Variants in ALCAM observed in about 807,000 individuals in gnomAD.
The protein encoded by ALCAM is CD166 antigen.
A neutral mutation model predicts 70.9 loss-of-function variants in ALCAM; 30 were observed. That is an observed-to-expected ratio of 0.42 (90% CI 0.32 to 0.57). ALCAM has a LOEUF of 0.57. Ranked by LOEUF, ALCAM falls within the 20% of genes least tolerant of loss-of-function variation. The pLI is 0.11. For missense variants in ALCAM, 591 were observed against 695.1 expected, an observed-to-expected ratio of 0.85 and a Z score of 1.68; for synonymous variants, 249 against 242.5, an observed-to-expected ratio of 1.03 and a Z score of -0.25.
At chr3:105,443,746 T>C (rs1252487900) in intron 1 of ALCAM, among the ~76,000 whole-genome samples, 6 of 152,212 alleles carry the variant, frequency 3.9e-5, no homozygotes, top group African/African-American at 1.4e-4. Flanking sequence ...CTTGCTGACA[T>C]GAATAATTTT....
intron 14 of ALCAM, among the ~76,000 whole-genome samples, chr3:105,562,859 G>T (rs187281882): frequency 6.6e-6 from 1 of 152,062 alleles, no homozygotes; most frequent in Admixed American, 6.5e-5. Flanking sequence ...AGGCTGGAGC[G>T]CAATGTCACG....
chr3:105,571,795 T>C, intron 14 of ALCAM, 57 bp from the exon 15 acceptor site: 1 of 1,270,582 alleles, frequency 7.9e-7, no homozygotes, highest in South Asian at 1.5e-5. Flanking sequence ...TAAAATTAAA[T>C]ATAAAAGTTG....
At chr3:105,375,500 G>C (rs535879044) in intron 1 of ALCAM, among the ~76,000 whole-genome samples, 1 of 152,130 alleles carries the variant, frequency 6.6e-6, no homozygotes. Flanking sequence ...AAAGATGTGA[G>C]GTTGTAGCCT....
intron 14 of ALCAM, among the ~76,000 whole-genome samples, chr3:105,565,991 A>AAAGCCT (rs1277952219): frequency 1.3e-5 from 2 of 152,228 alleles, no homozygotes; most frequent in Non-Finnish European, 2.9e-5. Flanking sequence ...TTCCAGGCAC[A>AAAGCCT]AAGCCTGGAT....
intron 1 of ALCAM, among the ~76,000 whole-genome samples, chr3:105,444,721 T>C (rs1229682137): frequency 6.6e-6 from 1 of 152,216 alleles, no homozygotes; most frequent in Non-Finnish European, 1.5e-5. Flanking sequence ...ACTATTTTAG[T>C]TTGTGTAAAA....
intron 1 of ALCAM, among the ~76,000 whole-genome samples, chr3:105,475,235 G>C (rs1294815961): frequency 6.6e-6 from 1 of 151,834 alleles, no homozygotes; most frequent in African/African-American, 2.4e-5. Context: ...TAATGTAGAA[G>C]GTTTTAAGTT....
At chr3:105,406,803 A>G (rs1157362186) in intron 1 of ALCAM, among the ~76,000 whole-genome samples, 1 of 152,154 alleles carries the variant, frequency 6.6e-6, no homozygotes, top group Non-Finnish European at 1.5e-5. Flanking sequence ...CTGATAGATC[A>G]TTAGCAAGAT....
chr3:105,380,078 A>G (rs1424931581), intron 1 of ALCAM, among the ~76,000 whole-genome samples: 1 of 151,828 alleles, frequency 6.6e-6, no homozygotes, highest in Non-Finnish European at 1.5e-5. Context: ...ATATATTTGA[A>G]TAGTAGACAA....
intron 1 of ALCAM, among the ~76,000 whole-genome samples, chr3:105,466,213 T>C (rs1937728390): frequency 6.6e-6 from 1 of 151,444 alleles, no homozygotes; most frequent in African/African-American, 2.4e-5. Flanking sequence ...CTTGTGGGTC[T>C]AGATTCCCCC....
At chr3:105,372,872 T>C (rs1287009103) in intron 1 of ALCAM, among the ~76,000 whole-genome samples, 4 of 152,138 alleles carry the variant, frequency 2.6e-5, no homozygotes, top group African/African-American at 7.2e-5. Context: ...CTTTGCAATC[T>C]TCTCAAATCC....
At chr3:105,420,073 G>A (rs573200350) in intron 1 of ALCAM, among the ~76,000 whole-genome samples, 1 of 151,764 alleles carries the variant, frequency 6.6e-6, no homozygotes, top group East Asian at 1.9e-4. Flanking sequence ...AATTGCAAAT[G>A]TTACTTCATA....
intron 1 of ALCAM, among the ~76,000 whole-genome samples, chr3:105,433,425 C>T (rs1363805917): frequency 1.3e-5 from 2 of 152,100 alleles, no homozygotes; most frequent in East Asian, 3.9e-4. Flanking sequence ...TTACTTCTTT[C>T]GGATGGGACT....
chr3:105,501,919 C>T (rs370156454), intron 1 of ALCAM, among the ~76,000 whole-genome samples: 1 of 152,170 alleles, frequency 6.6e-6, no homozygotes, highest in Non-Finnish European at 1.5e-5. Context: ...AAAGCAAACT[C>T]AAGTTACAGT....
intron 1 of ALCAM, among the ~76,000 whole-genome samples, chr3:105,482,916 A>G (rs1938312566): frequency 6.6e-6 from 1 of 152,154 alleles, no homozygotes; most frequent in Non-Finnish European, 1.5e-5. Flanking sequence ...GTAAGTAGTC[A>G]TGGCTACCTG....
At chr3:105,492,951 T>C (rs1234261733) in intron 1 of ALCAM, among the ~76,000 whole-genome samples, 2 of 152,232 alleles carry the variant, frequency 1.3e-5, no homozygotes, top group Non-Finnish European at 2.9e-5. Context: ...ATATGTAAAG[T>C]AGAAAAATTA....
intron 1 of ALCAM, among the ~76,000 whole-genome samples, chr3:105,387,372 C>T (rs1364357863): frequency 6.6e-6 from 1 of 151,226 alleles, no homozygotes; most frequent in Non-Finnish European, 1.5e-5. Flanking sequence ...ATTGCACAAT[C>T]TATTAGCTTT....
At chr3:105,432,889 T>C (rs943806554) in intron 1 of ALCAM, among the ~76,000 whole-genome samples, 1 of 152,138 alleles carries the variant, frequency 6.6e-6, no homozygotes, top group African/African-American at 2.4e-5. Flanking sequence ...CTTGTTCTAA[T>C]CATATTCTGT....
At chr3:105,409,327 A>T (rs570655135) in intron 1 of ALCAM, among the ~76,000 whole-genome samples, 5 of 91,456 alleles carry the variant, frequency 5.5e-5, no homozygotes, top group Non-Finnish European at 1.1e-4. Flanking sequence ...GGATAAAGAA[A>T]ATGTGACATA....
intron 1 of ALCAM, among the ~76,000 whole-genome samples, chr3:105,462,752 G>A (rs1937621690): frequency 1.3e-5 from 2 of 151,264 alleles, no homozygotes; most frequent in Admixed American, 1.3e-4. Context: ...GCAGTTGAAA[G>A]CCATGCCAAA....
Sources: gnomAD v4.1 joint callset for allele counts (sites outside exome capture counted in the v4.1 genomes callset) on GRCh38, gnomAD v4.1.1 for gene constraint, MANE v1.5 for transcripts, NCBI Gene and HGNC (gene_info 2026-07-23, HGNC 2026-07-21) for gene names.